The following VSTM2B variants were observed in gnomAD, a reference collection of about 807,000 sequenced individuals.
VSTM2B encodes the protein V-set and transmembrane domain containing 2B.
Under a neutral mutation model 24.0 loss-of-function variants are expected in VSTM2B, and 24 were observed. That is an observed-to-expected ratio of 1.00 (90% CI 0.72 to 1.40). The LOEUF is 1.40. Ranked by LOEUF, VSTM2B falls within the 40% of genes most tolerant of loss-of-function variation. The probability of loss-of-function intolerance (pLI) is 0.00; values close to 1 mark genes in which losing one functional copy is unlikely to be tolerated. For missense variants in VSTM2B, 399 were observed against 416.4 expected, an observed-to-expected ratio of 0.96 and a Z score of 0.36; for synonymous variants, 226 against 194.4, an observed-to-expected ratio of 1.16 and a Z score of -1.35.
intron 3 of VSTM2B, 111 bp downstream of exon 3, chr19:29,528,573 T>C: frequency 3.0e-6 from 4 of 1,341,890 alleles, no homozygotes; most frequent in Non-Finnish European, 4.2e-6. Flanking sequence ...GCCGCGCAAG[T>C]AGGGCAGCGA....
At chr19:29,541,583 G>A (rs375399648) in intron 4 of VSTM2B, among the ~76,000 whole-genome samples, 1 of 152,208 alleles carries the variant, frequency 6.6e-6, no homozygotes, top group South Asian at 2.1e-4. Flanking sequence ...ATAATGAATG[G>A]ATGGAATAAT....
intron 4 of VSTM2B, among the ~76,000 whole-genome samples, chr19:29,542,259 A>G (rs1462876163): frequency 6.6e-6 from 1 of 151,624 alleles, no homozygotes; most frequent in African/African-American, 2.4e-5. Flanking sequence ...TGATGAGTGG[A>G]TGGGTAGATG....
intron 4 of VSTM2B, among the ~76,000 whole-genome samples, chr19:29,561,734 C>T (rs1192727370): frequency 6.6e-6 from 1 of 152,192 alleles, no homozygotes; most frequent in Admixed American, 6.5e-5. Flanking sequence ...CTGGCTGGAT[C>T]CCCACTTTCC....
chr19:29,529,040 C>G (rs1307045007), intron 3 of VSTM2B: 1 of 985,348 alleles, frequency 1.0e-6, no homozygotes, highest in African/African-American at 1.7e-5. Context: ...AAGCTTCCCA[C>G]CTGGAGCGTA....
chr19:29,544,343 G>A (rs1013485231), intron 4 of VSTM2B, among the ~76,000 whole-genome samples: 10 of 151,158 alleles, frequency 6.6e-5, no homozygotes, highest in South Asian at 2.1e-4. Context: ...TGGCTAACAC[G>A]GTGAAACCCC....
Position 29,526,939 on chromosome 19 carries a change from G to A in VSTM2B, c.83-272G>A, listed in dbSNP as rs1207779509. ...AGTAGGCGCGCCCCAGCCAGGCTCTGGCGGTGCGGCCAGGGGCGGGGGAGA... is the reference window on the plus strand; with the variant it reads ...AGTAGGCGCGCCCCAGCCAGGCTCTAGCGGTGCGGCCAGGGGCGGGGGAGA... On this transcript the variant is annotated intron_variant, in intron 1 of 4. Transcript: ENST00000335523. The surrounding 1 kb of genome is among the most constrained non-coding windows in gnomAD (Gnocchi z 4.1). The A allele has an allele frequency of 2.1e-6, 1 of 466,528 alleles. No individual in the cohort carries two copies. Among genetic ancestry groups the A allele is most frequent in the Admixed American group, 4.1e-5 (1 of 24,402 alleles). 28.9% of individuals were successfully genotyped at this position (466,528 alleles called of 1,614,324 possible).
chr19:29,537,267 C>T (rs1010736909), intron 4 of VSTM2B, among the ~76,000 whole-genome samples: 1 of 152,160 alleles, frequency 6.6e-6, no homozygotes, highest in Non-Finnish European at 1.5e-5. Context: ...TTGGTGCTCT[C>T]AGGGAAGATG....
At chr19:29,529,150 C>A (rs1281676598) in intron 3 of VSTM2B, 1 of 983,972 alleles carries the variant, frequency 1.0e-6, no homozygotes, top group Non-Finnish European at 1.2e-6. Flanking sequence ...TTCCCGAAGT[C>A]CCCACCGGGG....
intron 4 of VSTM2B, among the ~76,000 whole-genome samples, chr19:29,561,483 G>A (rs1970524646): frequency 6.6e-6 from 1 of 151,056 alleles, no homozygotes. Context: ...AAATTAGCTG[G>A]GCTTGGTGTG....
intron 4 of VSTM2B, among the ~76,000 whole-genome samples, chr19:29,545,340 C>T (rs543510031): frequency 2.0e-5 from 3 of 152,118 alleles, no homozygotes; most frequent in Non-Finnish European, 2.9e-5. Flanking sequence ...GGGTCGGGCA[C>T]GGTGGCTCAC....
intron 4 of VSTM2B, among the ~76,000 whole-genome samples, chr19:29,552,167 T>C (rs973582923): frequency 6.6e-6 from 1 of 152,166 alleles, no homozygotes. Flanking sequence ...CTCTGAACCA[T>C]TGCTGATGTA....
At chr19:29,559,581 CA>C (rs1419937441) in intron 4 of VSTM2B, among the ~76,000 whole-genome samples, 1 of 152,146 alleles carries the variant, frequency 6.6e-6, no homozygotes, top group Non-Finnish European at 1.5e-5. Flanking sequence ...GCATATTCTG[CA>C]CATGTATCCC....
At position 29,527,248 on chromosome 19, in the gene VSTM2B, G is replaced by A. The variant is rs1471629935; in HGVS notation, c.120G>A (p.Arg40=). ...AAGTCCCCAAAGATGTGACAGTACGGGAGGGAGACGACATCGAAATGCCCT... is the reference window on the plus strand; with the variant it reads ...AAGTCCCCAAAGATGTGACAGTACGAGAGGGAGACGACATCGAAATGCCCT... ...FTEVPKDVTV[R]EGDDIEMPCA... is the part of the protein sequence containing the mutation. The change falls in exon 2 of 5, where the codon CGG becomes CGA. Residue 40 remains arginine, a synonymous_variant. Coordinates refer to ENST00000335523, the MANE Select transcript of VSTM2B (RefSeq NM_001146339.2). 5 of 1,550,162 alleles carry A rather than the reference G, an allele frequency of 3.2e-6. No individual in the cohort carries two copies. In the African/African-American group the frequency reaches 5.5e-5, roughly 17 times the overall value.
chr19:29,554,333 G>A (rs975722401), intron 4 of VSTM2B, among the ~76,000 whole-genome samples: 10 of 152,102 alleles, frequency 6.6e-5, no homozygotes, highest in African/African-American at 1.7e-4. Flanking sequence ...CTTTATAAGC[G>A]AAGAAGAAAT....
chr19:29,540,324 G>A (rs1969993750), intron 4 of VSTM2B, among the ~76,000 whole-genome samples: 1 of 152,210 alleles, frequency 6.6e-6, no homozygotes, highest in Admixed American at 6.5e-5. Context: ...ATGAACCCAG[G>A]GCTCAGCTCA....
intron 4 of VSTM2B, among the ~76,000 whole-genome samples, chr19:29,542,343 G>A (rs1296913964): frequency 1.3e-5 from 2 of 151,786 alleles, no homozygotes; most frequent in Admixed American, 6.6e-5. Flanking sequence ...GGATGGATGG[G>A]AGAACGAATG....
chr19:29,551,555 A>G (rs1229066553), intron 4 of VSTM2B, among the ~76,000 whole-genome samples: 2 of 152,134 alleles, frequency 1.3e-5, no homozygotes, highest in Non-Finnish European at 2.9e-5. Context: ...CACTATCTGA[A>G]TGATAAAAAT....
intron 4 of VSTM2B, among the ~76,000 whole-genome samples, chr19:29,548,064 T>C (rs1368970499): frequency 6.6e-6 from 1 of 152,032 alleles, no homozygotes; most frequent in African/African-American, 2.4e-5. Flanking sequence ...ACTGCTGTCA[T>C]TGGGCATAGT....
chr19:29,535,899 A>T (rs754659232), intron 4 of VSTM2B, among the ~76,000 whole-genome samples: 4 of 151,682 alleles, frequency 2.6e-5, no homozygotes, highest in Non-Finnish European at 4.4e-5. Flanking sequence ...TGAACAATCC[A>T]CTCTTCCCCC....
Sources: gnomAD v4.1 joint callset for allele counts (sites outside exome capture counted in the v4.1 genomes callset) on GRCh38, gnomAD v4.1.1 for gene constraint, Gnocchi (gnomAD v3.1) non-coding constraint, MANE v1.5 for transcripts, NCBI Gene and HGNC (gene_info 2026-07-23, HGNC 2026-07-21) for gene names.